CHST9: variants seen among roughly 807,000 people sequenced by gnomAD.
The protein encoded by CHST9 is GalNAc-4-sulfotransferase 2.
A neutral mutation model predicts 44.4 loss-of-function variants in CHST9; 41 were observed. That is an observed-to-expected ratio of 0.92 (90% CI 0.72 to 1.20). The LOEUF (loss-of-function observed/expected upper bound fraction) is 1.20, where lower values mean the gene tolerates loss of function less well. Ranked by LOEUF, CHST9 falls within the 50% of genes most tolerant of loss-of-function variation. The pLI is 0.00. For missense variants in CHST9, 504 were observed against 516.5 expected, an observed-to-expected ratio of 0.98 and a Z score of 0.23; for synonymous variants, 171 against 178.4, an observed-to-expected ratio of 0.96 and a Z score of 0.33.
intron 4 of CHST9, among the ~76,000 whole-genome samples, chr18:27,001,648 G>A (rs961388971): frequency 7.1e-6 from 1 of 140,504 alleles, no homozygotes; most frequent in Non-Finnish European, 1.6e-5. Context: ...ATGCCCTCCT[G>A]ATTCTGTTTG....
intron 4 of CHST9, among the ~76,000 whole-genome samples, chr18:26,998,737 AAC>A (rs1491171606): frequency 2.8e-5 from 3 of 106,196 alleles, no homozygotes; most frequent in Non-Finnish European, 3.9e-5. Flanking sequence ...AAACAACAAC[AAC>A]AAAAAAAAAA....
At chr18:27,123,618 AC>A (rs1252292763) in intron 2 of CHST9, among the ~76,000 whole-genome samples, 6 of 152,248 alleles carry the variant, frequency 3.9e-5, no homozygotes, top group Non-Finnish European at 8.8e-5. Context: ...GAGAAGATTT[AC>A]TTATTTCTCC....
intron 3 of CHST9, among the ~76,000 whole-genome samples, chr18:27,047,082 G>A (rs2057510325): frequency 6.6e-6 from 1 of 152,000 alleles, no homozygotes; most frequent in African/African-American, 2.4e-5. Flanking sequence ...GAAAGGGTAG[G>A]GAGTGGAGAT....
chr18:26,922,697 A>G (rs1184607973), intron 5 of CHST9, among the ~76,000 whole-genome samples: 3 of 152,070 alleles, frequency 2.0e-5, no homozygotes, highest in Non-Finnish European at 4.4e-5. Flanking sequence ...GTGCAATGGC[A>G]TGATCTTGGC....
At chr18:27,093,712 C>T (rs969600666) in intron 2 of CHST9, among the ~76,000 whole-genome samples, 9 of 152,170 alleles carry the variant, frequency 5.9e-5, no homozygotes, top group Admixed American at 2.0e-4. Context: ...GGTGATGCGA[C>T]GCCTTGCCCT....
intron 3 of CHST9, among the ~76,000 whole-genome samples, chr18:27,030,160 T>C (rs2057325561): frequency 6.6e-6 from 1 of 152,226 alleles, no homozygotes; most frequent in Admixed American, 6.5e-5. Context: ...CACAAGGAAT[T>C]CATAAAAAGG....
At chr18:27,075,048 G>A (rs2057887548) in intron 2 of CHST9, among the ~76,000 whole-genome samples, 1 of 150,918 alleles carries the variant, frequency 6.6e-6, no homozygotes, top group Admixed American at 6.6e-5. Context: ...AATAGAGACT[G>A]TAGATCACTG....
At chr18:26,981,222 G>T (rs768000758) in intron 4 of CHST9, among the ~76,000 whole-genome samples, 5 of 152,104 alleles carry the variant, frequency 3.3e-5, no homozygotes, top group Admixed American at 2.6e-4. Flanking sequence ...AGAGCCAAGG[G>T]TTTCTTTTTA....
intron 1 of CHST9, among the ~76,000 whole-genome samples, chr18:27,144,807 A>G (rs182674906): frequency 4.5e-4 from 68 of 152,280 alleles, no homozygotes; most frequent in African/African-American, 1.6e-3. Flanking sequence ...GAGCTCAAAA[A>G]ATGACCTCAG....
chr18:26,962,347 G>A (rs1269114283), intron 4 of CHST9, among the ~76,000 whole-genome samples: 1 of 149,866 alleles, frequency 6.7e-6, no homozygotes, highest in Non-Finnish European at 1.5e-5. Flanking sequence ...CTGGGGTGCA[G>A]TGGCGCGATC....
chr18:26,933,714 G>A (rs1232426082), intron 5 of CHST9: 1 of 153,672 alleles, frequency 6.5e-6, no homozygotes, highest in East Asian at 1.9e-4. Context: ...GTTGGGGCTA[G>A]GGGGCAAACG....
At chr18:27,055,959 T>TGTGTGC (rs1568152716) in intron 2 of CHST9, among the ~76,000 whole-genome samples, 1 of 151,900 alleles carries the variant, frequency 6.6e-6, no homozygotes. Context: ...TGTGTGTGTG[T>TGTGTGC]GTGTATACAC....
chr18:26,989,198 A>T (rs1367577886), intron 4 of CHST9, among the ~76,000 whole-genome samples: 1 of 152,208 alleles, frequency 6.6e-6, no homozygotes, highest in Non-Finnish European at 1.5e-5. Context: ...TCACTGATAA[A>T]AGAATTATAT....
Position 26,916,274 on chromosome 18 carries a change from T to A in CHST9, c.1317A>T (p.Thr439=), listed in dbSNP as rs777312052. The change falls in exon 6 of 6, where the codon ACA becomes ACT. Residue 439 remains threonine (T), a synonymous_variant. Coordinates refer to ENST00000618847, the MANE Select transcript of CHST9 (RefSeq NM_031422.6). ...TGAATGCAAACTACAAAAATGGAGT[T>A]GTATAATTAAACATTAAATAGTCCA... ...YYLDYLMFNY[T]TPFL 2 of 1,564,374 alleles carry A rather than the reference T, an allele frequency of 1.3e-6. No homozygotes were observed. The highest frequency in any genetic ancestry group is 1.8e-6 in the Non-Finnish European group (2 of 1,141,310).
chr18:27,088,346 T>G lies in CHST9; in HGVS notation c.122-39843A>C, dbSNP rs1320314576. ...CATTCAATTTCCCATGTTACTAATA[T>G]ACTTAGTTACAAGCATTTGTACTGC... On this transcript the variant is annotated intron_variant, in intron 2 of 5. Coordinates refer to ENST00000618847, the MANE Select transcript of CHST9 (RefSeq NM_031422.6). Among the ~76,000 whole-genome samples the G allele has an allele frequency of 2.0e-5, 3 of 152,032 alleles. No homozygotes were observed. The South Asian group carries it at 6.2e-4, about 32-fold the overall frequency.
chr18:26,932,548 G>A (rs1438852336), intron 5 of CHST9, among the ~76,000 whole-genome samples: 1 of 152,104 alleles, frequency 6.6e-6, no homozygotes, highest in Non-Finnish European at 1.5e-5. Flanking sequence ...CTGGATCAGG[G>A]GTGAAGGGGG....
intron 1 of CHST9, among the ~76,000 whole-genome samples, chr18:27,175,391 A>G (rs1023906263): frequency 6.6e-6 from 1 of 152,070 alleles, no homozygotes; most frequent in Non-Finnish European, 1.5e-5. Context: ...TTATCAAGGG[A>G]TTCCACATGT....
chr18:27,169,822 T>A (rs1044445509), intron 1 of CHST9, among the ~76,000 whole-genome samples: 7 of 152,190 alleles, frequency 4.6e-5, no homozygotes, highest in African/African-American at 1.7e-4. Flanking sequence ...TTAGCCAGGA[T>A]GGTCTCGATC....
intron 2 of CHST9, among the ~76,000 whole-genome samples, chr18:27,053,243 GAA>G (rs1265253690): frequency 9.5e-5 from 9 of 94,482 alleles, no homozygotes; most frequent in Non-Finnish European, 1.6e-4. Context: ...AGAAGAAGAA[GAA>G]GAAGAAGAAG....
Sources: gnomAD v4.1 joint callset for allele counts (sites outside exome capture counted in the v4.1 genomes callset) on GRCh38, gnomAD v4.1.1 for gene constraint, MANE v1.5 for transcripts, NCBI Gene and HGNC (gene_info 2026-07-23, HGNC 2026-07-21) for gene names.